The following EYS variants were observed in gnomAD, a reference collection of about 807,000 sequenced individuals.
EYS encodes EGF-like photoreceptor maintenance factor, also known as protein eyes shut homolog.
In EYS, 250 loss-of-function variants were observed where a neutral mutation model predicts 282.1. The ratio of observed to expected loss-of-function variants is 0.89; its 90% confidence interval spans 0.80 to 0.98. EYS has a LOEUF of 0.98. EYS is among the 50% of genes least tolerant of loss of function. EYS has a pLI of 0.00. For synonymous variants in EYS, 1,355 were observed against 1,282.9 expected (o/e 1.06, Z -1.20); for missense variants, 4,016 against 3,709.0 (o/e 1.08, Z -2.15).
chr6:65,438,086 T>A (rs943382532), intron 5 of EYS, among the ~76,000 whole-genome samples: 1 of 147,880 alleles, frequency 6.8e-6, no homozygotes, highest in Non-Finnish European at 1.5e-5. Context: ...AATTCCCACC[T>A]ACGAGTGAGA....
chr6:64,955,350 T>C (rs1017536561), intron 14 of EYS, among the ~76,000 whole-genome samples: 1 of 151,154 alleles, frequency 6.6e-6, no homozygotes, highest in Non-Finnish European at 1.5e-5. Flanking sequence ...GAAAAAAAAA[T>C]TCCATATTCA....
At chr6:63,978,707 A>G (rs1766954992) in intron 35 of EYS, among the ~76,000 whole-genome samples, 1 of 151,922 alleles carries the variant, frequency 6.6e-6, no homozygotes, top group Admixed American at 6.6e-5. Flanking sequence ...TTACTACAGA[A>G]CAAATGGAAA....
chr6:63,726,693 G>C lies in EYS; in HGVS notation c.8072-13C>G. On this transcript the variant is annotated splice_polypyrimidine_tract_variant and intron_variant, in intron 41 of 42. Coordinates refer to ENST00000503581, the MANE Select transcript of EYS (RefSeq NM_001142800.2). Reference sequence around the variant, plus strand: ...CTTATGGATAAAGCTGAGGGAAGGAGAGAAAGAGAACTCTGGGAGTTATCT... The same window carrying C: ...CTTATGGATAAAGCTGAGGGAAGGACAGAAAGAGAACTCTGGGAGTTATCT... 2 of 1,547,504 alleles carry C rather than the reference G, an allele frequency of 1.3e-6. No individual in the cohort carries two copies. Among genetic ancestry groups the C allele is most frequent in the Non-Finnish European group, 1.7e-6 (2 of 1,144,334 alleles).
At chr6:64,114,320 C>T (rs964124555) in intron 31 of EYS, among the ~76,000 whole-genome samples, 1 of 151,884 alleles carries the variant, frequency 6.6e-6, no homozygotes, top group African/African-American at 2.4e-5. Flanking sequence ...ATTTTATTAG[C>T]TTTATTCTTC....
intron 35 of EYS, among the ~76,000 whole-genome samples, chr6:63,901,939 T>C (rs1054382920): frequency 2.0e-5 from 3 of 152,072 alleles, no homozygotes; most frequent in Non-Finnish European, 4.4e-5. Context: ...GTTGCCCAGG[T>C]TGGAGTGCAG....
intron 26 of EYS, among the ~76,000 whole-genome samples, chr6:64,494,287 G>A (rs1776826385): frequency 6.6e-6 from 1 of 151,446 alleles, no homozygotes; most frequent in Admixed American, 6.6e-5. Flanking sequence ...TATGGCACTT[G>A]GATTATTAAA....
chr6:65,698,833 C>T (rs765361321), intron 1 of EYS, among the ~76,000 whole-genome samples: 2 of 152,174 alleles, frequency 1.3e-5, no homozygotes, highest in African/African-American at 2.4e-5. Context: ...AAATTCCCCA[C>T]AGAAACCATT....
At chr6:65,174,731 T>C (rs560258719) in intron 12 of EYS, among the ~76,000 whole-genome samples, 9 of 151,488 alleles carry the variant, frequency 5.9e-5, no homozygotes, top group African/African-American at 1.9e-4. Context: ...ATCCATAAAT[T>C]GTTGCAAATC....
At chr6:65,012,882 A>AT (rs66519903) in intron 13 of EYS, among the ~76,000 whole-genome samples, 8 of 151,642 alleles carry the variant, frequency 5.3e-5, no homozygotes, top group South Asian at 2.1e-4. Context: ...CAATAAAAAA[A>AT]AATCTATCAA....
chr6:64,798,655 T>A (rs1390793223), intron 22 of EYS, among the ~76,000 whole-genome samples: 1 of 148,568 alleles, frequency 6.7e-6, no homozygotes, highest in Non-Finnish European at 1.5e-5. Flanking sequence ...AACATTGCAT[T>A]AATAACTCCT....
chr6:64,320,254 T>A (rs565788392), intron 29 of EYS, among the ~76,000 whole-genome samples: 151 of 152,112 alleles, frequency 9.9e-4, no homozygotes, highest in African/African-American at 3.5e-3. Flanking sequence ...AATTTTGTTA[T>A]TATTTCTTCA....
chr6:64,240,980 G>A (rs528810095), intron 30 of EYS, among the ~76,000 whole-genome samples: 10 of 152,130 alleles, frequency 6.6e-5, no homozygotes, highest in South Asian at 4.2e-4. Flanking sequence ...GAATTTTGTC[G>A]AAGGCCTTTT....
chr6:64,271,988 C>A (rs900396028), intron 30 of EYS, among the ~76,000 whole-genome samples: 24 of 152,180 alleles, frequency 1.6e-4, no homozygotes, highest in African/African-American at 5.5e-4. Context: ...TACAGGCATG[C>A]GCCATCATGC....
At chr6:64,294,125 A>G (rs1333651529) in intron 30 of EYS, among the ~76,000 whole-genome samples, 6 of 152,204 alleles carry the variant, frequency 3.9e-5, no homozygotes, top group Non-Finnish European at 8.8e-5. Context: ...TATAATTAGT[A>G]TCAACTTTAC....
intron 22 of EYS, among the ~76,000 whole-genome samples, chr6:64,798,411 T>C (rs147669944): frequency 6.6e-6 from 1 of 151,878 alleles, no homozygotes; most frequent in African/African-American, 2.4e-5. Context: ...CCTTCCCATA[T>C]GTTTTAAGTT....
At chr6:64,970,655 C>G (rs575352153) in intron 14 of EYS, among the ~76,000 whole-genome samples, 10 of 152,270 alleles carry the variant, frequency 6.6e-5, no homozygotes, top group African/African-American at 2.4e-4. Context: ...TTTCAAAGTT[C>G]TTATAGATTT....
At position 65,336,895 on chromosome 6, in the gene EYS, T is replaced by C. The variant is rs117482310; in HGVS notation, c.1600-1749A>G. Among the ~76,000 whole-genome samples, 133 of 151,622 alleles carry C rather than the reference T, an allele frequency of 8.8e-4. 1 individual carries two copies. In the East Asian group the frequency reaches 0.02, roughly 23 times the overall value. On this transcript the variant is annotated intron_variant, in intron 10 of 42. Transcript: ENST00000503581. The stretch of plus-strand genomic sequence containing the variant: ...CTTATGGAGTGCTTAAACACAGGTA[T>C]ATATTTATATATTTACATATACATA...
chr6:64,736,096 A>G (rs1772175553), intron 22 of EYS, among the ~76,000 whole-genome samples: 1 of 152,050 alleles, frequency 6.6e-6, no homozygotes, highest in African/African-American at 2.4e-5. Flanking sequence ...TTTTCTTCTG[A>G]TAGCATATAC....
intron 32 of EYS, among the ~76,000 whole-genome samples, chr6:64,070,476 C>G (rs1030424430): frequency 6.6e-6 from 1 of 151,874 alleles, no homozygotes; most frequent in African/African-American, 2.4e-5. Flanking sequence ...TGAGTTTTAT[C>G]GGCAAAAAAT....
Sources: allele counts gnomAD v4.1 joint callset (sites outside exome capture counted in the v4.1 genomes callset), GRCh38; gene constraint gnomAD v4.1.1; transcripts MANE v1.5; gene names NCBI Gene and HGNC (gene_info 2026-07-23, HGNC 2026-07-21).